GPM6A: variants seen among roughly 807,000 people sequenced by gnomAD.
The protein encoded by GPM6A is glycoprotein M6A.
A neutral mutation model predicts 32.1 loss-of-function variants in GPM6A; 7 were observed. That is an observed-to-expected ratio of 0.22 (90% confidence interval 0.12 to 0.41). The LOEUF is 0.41. Among genes scored for constraint, GPM6A ranks in the 10% least tolerant of loss-of-function variants. The pLI is 1.00. For missense variants in GPM6A, 235 were observed against 347.2 expected (o/e 0.68, Z 2.57); for synonymous variants, 130 against 123.4 (o/e 1.05, Z -0.35).
At chr4:175,841,668 A>G (rs1735940666) in intron 1 of GPM6A, among the ~76,000 whole-genome samples, 3 of 152,206 alleles carry the variant, frequency 2.0e-5, no homozygotes, top group Admixed American at 1.3e-4. Context: ...TTTTCAATAA[A>G]AGGAATAACC....
At chr4:175,712,624 A>T (rs1745616146) in intron 1 of GPM6A, among the ~76,000 whole-genome samples, 1 of 152,224 alleles carries the variant, frequency 6.6e-6, no homozygotes, top group Non-Finnish European at 1.5e-5. Flanking sequence ...CCTAACACTG[A>T]GGGAAACATG....
intron 1 of GPM6A, among the ~76,000 whole-genome samples, chr4:175,772,840 A>G (rs535890326): frequency 2.6e-4 from 39 of 152,214 alleles, no homozygotes; most frequent in African/African-American, 8.4e-4. Context: ...AACCTTAATC[A>G]TCTAGTATTT....
chr4:175,925,965 C>A (rs1182577629), intron 1 of GPM6A, among the ~76,000 whole-genome samples: 2 of 151,670 alleles, frequency 1.3e-5, no homozygotes, highest in Non-Finnish European at 2.9e-5. Flanking sequence ...AATTCTCCTG[C>A]CCCAGCCTCC....
At chr4:175,850,065 G>A (rs1736205680) in intron 1 of GPM6A, among the ~76,000 whole-genome samples, 1 of 152,074 alleles carries the variant, frequency 6.6e-6, no homozygotes, top group Non-Finnish European at 1.5e-5. Context: ...AAAAATAACA[G>A]TACCTTCAAG....
intron 3 of GPM6A, chr4:175,654,366 C>T (rs1266777501): frequency 6.6e-6 from 1 of 152,094 alleles, no homozygotes; most frequent in Non-Finnish European, 1.5e-5. Context: ...ATGGAAATAA[C>T]TCTAAACTGG....
chr4:175,998,350 C>G (rs1344700040), intron 1 of GPM6A, among the ~76,000 whole-genome samples: 2 of 151,968 alleles, frequency 1.3e-5, no homozygotes, highest in Admixed American at 6.6e-5. Context: ...GACGGTCTCA[C>G]TATGTTGCTC....
chr4:175,957,491 C>T (rs548524928), intron 1 of GPM6A, among the ~76,000 whole-genome samples: 5 of 151,376 alleles, frequency 3.3e-5, no homozygotes, highest in Admixed American at 6.6e-5. Flanking sequence ...CATGTTCTCA[C>T]TCATTAGTGG....
intron 2 of GPM6A, among the ~76,000 whole-genome samples, chr4:175,686,576 G>C (rs952335542): frequency 6.6e-6 from 1 of 152,142 alleles, no homozygotes; most frequent in African/African-American, 2.4e-5. Context: ...AGCCAAGGAA[G>C]GCCCGCAACC....
At chr4:175,876,551 A>G (rs939865272) in intron 1 of GPM6A, among the ~76,000 whole-genome samples, 3 of 152,114 alleles carry the variant, frequency 2.0e-5, no homozygotes, top group African/African-American at 4.8e-5. Flanking sequence ...TTTGAGTTCC[A>G]TGGTAACCGC....
Position 175,750,870 on chromosome 4 carries a change from G to A in GPM6A, c.38-49103C>T, listed in dbSNP as rs1490113350. 2.6e-5 allele frequency among the ~76,000 whole-genome samples: 4 copies of A among 152,112 alleles called. No individual in the cohort carries two copies. The South Asian group carries it at 6.2e-4, about 24-fold the overall frequency. ...TTACAGGCATGAGTCACCACGCTGA[G>A]GCTATTTTACTACAGCCTCCTAACT... is the stretch of plus-strand genomic sequence containing the variant. On this transcript the variant is annotated intron_variant, in intron 1 of 6. Transcript: ENST00000393658.
At chr4:175,734,297 AG>A (rs1329735361) in intron 1 of GPM6A, among the ~76,000 whole-genome samples, 1 of 152,078 alleles carries the variant, frequency 6.6e-6, no homozygotes, top group African/African-American at 2.4e-5. Context: ...TGCACCCAAA[AG>A]ACCCTCAATT....
intron 1 of GPM6A, among the ~76,000 whole-genome samples, chr4:175,897,629 G>C (rs1267861256): frequency 6.6e-6 from 1 of 152,178 alleles, no homozygotes; most frequent in Non-Finnish European, 1.5e-5. Context: ...AAAAACGTTA[G>C]AGACCCATTC....
intron 1 of GPM6A, among the ~76,000 whole-genome samples, chr4:175,863,571 C>T (rs1008627534): frequency 6.6e-5 from 10 of 151,834 alleles, no homozygotes; most frequent in South Asian, 2.1e-4. Flanking sequence ...TGAGCATATG[C>T]CTTCACATTT....
At chr4:175,670,861 A>ATTTTTTTT (rs33998725) in intron 3 of GPM6A, among the ~76,000 whole-genome samples, 44 of 124,164 alleles carry the variant, frequency 3.5e-4, no homozygotes, top group Middle Eastern at 4.3e-3. Context: ...ATGTTGCTTC[A>ATTTTTTTT]TTTTTTTTTT....
intron 1 of GPM6A, among the ~76,000 whole-genome samples, chr4:175,776,158 A>C (rs1733385927): frequency 6.6e-6 from 1 of 152,190 alleles, no homozygotes; most frequent in African/African-American, 2.4e-5. Flanking sequence ...TTTCAAAAAG[A>C]GATCTATGGC....
chr4:175,701,836 C>T, intron 1 of GPM6A, 69 bp from the exon 2 acceptor site: 2 of 1,109,034 alleles, frequency 1.8e-6, no homozygotes, highest in Non-Finnish European at 2.7e-6. Context: ...TTTCAAACTT[C>T]AGCACTATGG....
chr4:175,903,139 A>C (rs1738021435), intron 1 of GPM6A, among the ~76,000 whole-genome samples: 1 of 152,146 alleles, frequency 6.6e-6, no homozygotes, highest in African/African-American at 2.4e-5. Flanking sequence ...AATAATGATA[A>C]GCTGGAATCT....
intron 1 of GPM6A, among the ~76,000 whole-genome samples, chr4:175,972,277 A>G (rs904028436): frequency 2.0e-5 from 3 of 152,260 alleles, no homozygotes; most frequent in Non-Finnish European, 4.4e-5. Flanking sequence ...ATTCCAGTGT[A>G]TCTATATAAA....
intron 1 of GPM6A, among the ~76,000 whole-genome samples, chr4:175,824,662 C>T (rs960486298): frequency 3.3e-5 from 5 of 152,158 alleles, no homozygotes; most frequent in Non-Finnish European, 7.3e-5. Flanking sequence ...GAACCTATTG[C>T]GAGGTGCCCA....
Sources: allele counts gnomAD v4.1 joint callset (sites outside exome capture counted in the v4.1 genomes callset), GRCh38; gene constraint gnomAD v4.1.1; transcripts MANE v1.5; gene names NCBI Gene and HGNC (gene_info 2026-07-23, HGNC 2026-07-21).